Variants in KDM4C observed in about 807,000 individuals in gnomAD.
KDM4C encodes the protein lysine-specific demethylase 4C.
A neutral mutation model predicts 129.3 loss-of-function variants in KDM4C; 81 were observed. The observed-to-expected ratio is 0.63, with a 90% CI of 0.52 to 0.75. The LOEUF (loss-of-function observed/expected upper bound fraction) is 0.75. Among genes scored for constraint, KDM4C ranks in the 30% least tolerant of loss-of-function variants. The pLI is 0.00. For missense variants in KDM4C, 1,457 were observed against 1,304.0 expected (o/e 1.12, Z -1.81); for synonymous variants, 573 against 456.1 (o/e 1.26, Z -3.26).
At chr9:6,748,680 A>G (rs1423886283) in intron 1 of KDM4C, 5 of 1,275,046 alleles carry the variant, frequency 3.9e-6, no homozygotes, top group Non-Finnish European at 4.6e-6. Context: ...CTTCTCAACA[A>G]TTTCTCACTT....
At chr9:7,147,616 G>A (rs1289978480) in intron 19 of KDM4C, among the ~76,000 whole-genome samples, 1 of 152,142 alleles carries the variant, frequency 6.6e-6, no homozygotes, top group Non-Finnish European at 1.5e-5. Context: ...CCGTGTTTGG[G>A]GGTGAGAAGT....
intron 17 of KDM4C, among the ~76,000 whole-genome samples, chr9:7,052,853 GC>G (rs1464680343): frequency 0.037 from 2,029 of 55,450 alleles, 51 homozygotes; most frequent in African/African-American, 0.14. Context: ...CAGAGCTCTG[GC>G]CACACCTGCA....
upstream of KDM4C, among the ~76,000 whole-genome samples, chr9:6,756,744 G>A (rs557507733): frequency 6.6e-6 from 1 of 152,070 alleles, no homozygotes; most frequent in Non-Finnish European, 1.5e-5. Context: ...TGTGTGTAGC[G>A]GAACTTTGTT....
intron 2 of KDM4C, among the ~76,000 whole-genome samples, chr9:6,797,928 A>C (rs1284294236): frequency 6.6e-6 from 1 of 152,234 alleles, no homozygotes; most frequent in African/African-American, 2.4e-5. Context: ...GGTGAACTTC[A>C]GAAGGAATGG....
chr9:6,900,313 A>G (rs10758808), intron 8 of KDM4C, among the ~76,000 whole-genome samples: 76,163 of 152,008 alleles, frequency 0.5, 19,226 homozygotes, highest in Middle Eastern at 0.61. Flanking sequence ...TCATTTTTCT[A>G]GGTGTAATGG....
chr9:6,886,713 C>T (rs1214328586), intron 6 of KDM4C, among the ~76,000 whole-genome samples: 3 of 151,926 alleles, frequency 2.0e-5, no homozygotes, highest in Non-Finnish European at 2.9e-5. Context: ...AGGCTGGTCT[C>T]GAACTCCTGA....
chr9:7,120,065 A>G (rs79032649), intron 18 of KDM4C, among the ~76,000 whole-genome samples: 5,457 of 152,068 alleles, frequency 0.036, 162 homozygotes, highest in Non-Finnish European at 0.049. Flanking sequence ...CCATTCTAGT[A>G]TTGCTCTTCC....
At chr9:7,029,836 G>T (rs1356706535) in intron 15 of KDM4C, among the ~76,000 whole-genome samples, 3 of 152,158 alleles carry the variant, frequency 2.0e-5, no homozygotes, top group African/African-American at 7.2e-5. Flanking sequence ...TCCCTTTTAT[G>T]ACTTTGACCA....
At chr9:7,088,720 A>G (rs186697758) in intron 17 of KDM4C, among the ~76,000 whole-genome samples, 2 of 152,308 alleles carry the variant, frequency 1.3e-5, no homozygotes, top group Admixed American at 1.3e-4. Flanking sequence ...TCTCAACAAG[A>G]TAAATGAACT....
chr9:7,026,212 A>G (rs1331728047), intron 15 of KDM4C, among the ~76,000 whole-genome samples: 3 of 151,974 alleles, frequency 2.0e-5, no homozygotes, highest in Non-Finnish European at 4.4e-5. Context: ...CTCAAGAAAA[A>G]AAAAAAAAAG....
chr9:6,747,051 G>GTCAA (rs905965736), intron 1 of KDM4C, among the ~76,000 whole-genome samples: 4 of 149,368 alleles, frequency 2.7e-5, no homozygotes, highest in Non-Finnish European at 5.9e-5. Context: ...AAATTAGTCA[G>GTCAA]GTGTGGTGGT....
intron 8 of KDM4C, among the ~76,000 whole-genome samples, chr9:6,905,238 T>C (rs1263112639): frequency 2.6e-5 from 4 of 152,124 alleles, no homozygotes; most frequent in Non-Finnish European, 5.9e-5. Flanking sequence ...GGGATACACA[T>C]TGGAGGCCGT....
chr9:6,776,343 A>C (rs1363630529), intron 1 of KDM4C, among the ~76,000 whole-genome samples: 1 of 152,098 alleles, frequency 6.6e-6, no homozygotes, highest in South Asian at 2.1e-4. Flanking sequence ...GGCTTACTGC[A>C]ACCTCTGCCT....
chr9:7,038,666 A>G (rs12555355), intron 15 of KDM4C, among the ~76,000 whole-genome samples: 8,458 of 152,082 alleles, frequency 0.056, 262 homozygotes, highest in South Asian at 0.097. Context: ...CATAGATTCA[A>G]ATATTTAGGT....
Position 7,049,087 on chromosome 9 carries a change from T to C in KDM4C, c.2316-5T>C. On this transcript the variant is annotated splice_region_variant and splice_polypyrimidine_tract_variant and intron_variant, in intron 16 of 21. Transcript: ENST00000381309. The stretch of plus-strand genomic sequence containing the variant: ...TGTTTATGTTTAATGTCTCCTTTCC[T>C]GTAGGTGGGCCCATGTCATGTGCGC... 4.4e-6 allele frequency: 7 copies of C among 1,603,384 alleles called. No individual in the cohort carries two copies. The highest frequency in any genetic ancestry group is 5.1e-6 in the Non-Finnish European group (6 of 1,171,444).
chr9:6,888,790 T>TGAC (rs1219742715), intron 7 of KDM4C, among the ~76,000 whole-genome samples: 11 of 125,588 alleles, frequency 8.8e-5, no homozygotes, highest in Admixed American at 2.3e-4. Flanking sequence ...TGTTTTTTTT[T>TGAC]TTTTTTTTTT....
At chr9:7,135,899 TC>T (rs1841154158) in intron 19 of KDM4C, among the ~76,000 whole-genome samples, 1 of 152,182 alleles carries the variant, frequency 6.6e-6, no homozygotes, top group African/African-American at 2.4e-5. Flanking sequence ...TCACATCCCA[TC>T]CCAGCCCACT....
At chr9:6,901,557 C>G (rs1267109634) in intron 8 of KDM4C, among the ~76,000 whole-genome samples, 1 of 152,188 alleles carries the variant, frequency 6.6e-6, no homozygotes, top group Non-Finnish European at 1.5e-5. Context: ...GAACTAGGCT[C>G]ATCTACCCCC....
At chr9:6,966,393 A>G (rs1830977340) in intron 8 of KDM4C, among the ~76,000 whole-genome samples, 1 of 152,018 alleles carries the variant, frequency 6.6e-6, no homozygotes, top group South Asian at 2.1e-4. Context: ...TGTGGTCTTG[A>G]TCTCCTGACC....
Sources: allele counts gnomAD v4.1 joint callset (sites outside exome capture counted in the v4.1 genomes callset), GRCh38; gene constraint gnomAD v4.1.1; transcripts MANE v1.5; gene names NCBI Gene and HGNC (gene_info 2026-07-23, HGNC 2026-07-21).